DNASE1: variants seen among roughly 807,000 people sequenced by gnomAD.
DNASE1 encodes the protein deoxyribonuclease-1.
A neutral mutation model predicts 33.9 loss-of-function variants in DNASE1; 40 were observed. That is an observed-to-expected ratio of 1.18 (90% confidence interval 0.92 to 1.54). The LOEUF (loss-of-function observed/expected upper bound fraction) is 1.54. Among genes scored for constraint, DNASE1 ranks in the 40% most tolerant of loss-of-function variants. DNASE1 has a pLI of 0.00. For synonymous variants in DNASE1, 216 were observed against 160.0 expected (o/e 1.35, Z -2.64); for missense variants, 518 against 372.6 (o/e 1.39, Z -3.21).
chr16:3,657,019 G>T lies in DNASE1; in HGVS notation c.457G>T (p.Val153Phe). 6.2e-7 allele frequency: 1 copy of T among 1,613,786 alleles called. No homozygotes were observed. The highest frequency in any genetic ancestry group is 1.1e-5 in the South Asian group (1 of 91,086). Residue 153 changes from valine (V) to phenylalanine (F), a missense_variant, in exon 6 of 9, where the codon GTT (valine) becomes TTT (phenylalanine). Coordinates refer to ENST00000246949, the MANE Select transcript of DNASE1 (RefSeq NM_005223.4). Reference protein sequence around the residue: ...RFTEVREFAIVPLHAAPGDAV... With the variant: ...RFTEVREFAIFPLHAAPGDAV... ...CACAGAGGTCAGGGAGTTTGCCATT[G>T]TTCCCCTGCATGCGGCCCCGGGGGA...
exon 10 of DNASE1, chr16:3,664,198 C>G: frequency 6.3e-6 from 9 of 1,424,612 alleles, no homozygotes; most frequent in Non-Finnish European, 8.3e-6. Flanking sequence ...CAGGTTCACC[C>G]AGCACAGAGC....
At chr16:3,630,417 A>T (rs1282607030) in intron 1 of DNASE1, among the ~76,000 whole-genome samples, 1 of 151,290 alleles carries the variant, frequency 6.6e-6, no homozygotes, top group Non-Finnish European at 1.5e-5. Context: ...TCCAAAGCTC[A>T]GACATCTGCC....
chr16:3,658,671 C>CA (rs1177913805), downstream of DNASE1: 17 of 884,952 alleles, frequency 1.9e-5, no homozygotes, highest in East Asian at 5.0e-4. Flanking sequence ...CACTCCATCT[C>CA]AAAAAACAAA....
chr16:3,640,659 G>A, upstream of DNASE1: 1 of 398,260 alleles, frequency 2.5e-6, no homozygotes, highest in South Asian at 1.4e-4. Flanking sequence ...TTTCAGAATA[G>A]GTGGTGCTGG....
intron 1 of DNASE1, among the ~76,000 whole-genome samples, chr16:3,629,191 A>AC (rs2041622392): frequency 6.6e-6 from 1 of 151,786 alleles, no homozygotes; most frequent in African/African-American, 2.4e-5. Flanking sequence ...AAAAAAAAAA[A>AC]AAATTGTAAT....
downstream of DNASE1, chr16:3,661,916 C>T: frequency 3.3e-6 from 5 of 1,499,926 alleles, no homozygotes; most frequent in Non-Finnish European, 4.4e-6. Context: ...TCACATTCCA[C>T]AACAAAAGAA....
intron 1 of DNASE1, among the ~76,000 whole-genome samples, chr16:3,614,182 G>A (rs1236253912): frequency 6.6e-6 from 1 of 152,088 alleles, no homozygotes; most frequent in South Asian, 2.1e-4. Context: ...AGAGTGCTGG[G>A]ATTACAGGTG....
intron 1 of DNASE1, among the ~76,000 whole-genome samples, chr16:3,631,324 C>T (rs1241877198): frequency 1.3e-5 from 2 of 152,048 alleles, no homozygotes; most frequent in Non-Finnish European, 2.9e-5. Context: ...CCTGCCTCAG[C>T]CTCCCTAGTA....
At chr16:3,659,826 G>T (rs2042968401), downstream of DNASE1, 1 of 151,868 alleles carries the variant, frequency 6.6e-6, no homozygotes. Context: ...CATGATCTTG[G>T]CTCACCGCAG....
chr16:3,656,064 G>A (rs373715825), intron 3 of DNASE1, 38 bp from the exon 4 acceptor site: 9 of 1,612,798 alleles, frequency 5.6e-6, no homozygotes, highest in African/African-American at 4.0e-5. Flanking sequence ...GGTCCCCTAT[G>A]GCCCCCGCCA....
rs79203033 is a variant in DNASE1 at position 3,626,884 on chromosome 16, T to G, written c.-1358-13831T>G. 3.5e-3 allele frequency among the ~76,000 whole-genome samples: 540 copies of G among 152,252 alleles called. 3 individuals carry two copies. The highest frequency in any genetic ancestry group is 0.012 in the African/African-American group (512 of 41,546). On this transcript the variant is annotated intron_variant and NMD_transcript_variant, in intron 1 of 11. Coordinates refer to the DNASE1 transcript ENST00000570769. ...CTCTTTTATTTATTTTATTTTATGT[T>G]TTTTAGAGACAGGGTCTTGCTATGT...
At chr16:3,636,541 G>A (rs185700871) in intron 1 of DNASE1, among the ~76,000 whole-genome samples, 33 of 152,312 alleles carry the variant, frequency 2.2e-4, no homozygotes, top group Non-Finnish European at 1.5e-4. Context: ...AACTGAGGAG[G>A]CCGGGCATGG....
In DNASE1 at chr16:3,646,145, C is replaced by T. The variant is rs922545557; in HGVS notation, c.-86+3109C>T. On this transcript the variant is annotated intron_variant, in intron 1 of 9. Transcript: ENST00000407479. ...GCTTCCTGTCAGCTCAAGCCCAGTG[C>T]CCAGAGTGTCCAAGTGCCACCTGGA... is the stretch of plus-strand genomic sequence containing the variant. 2.6e-5 allele frequency among the ~76,000 whole-genome samples: 4 copies of T among 152,128 alleles called. No homozygotes were observed. The South Asian group carries it at 8.3e-4, about 32-fold the overall frequency.
At chr16:3,638,583 C>G (rs908994415), upstream of DNASE1, among the ~76,000 whole-genome samples, 1 of 152,244 alleles carries the variant, frequency 6.6e-6, no homozygotes, top group African/African-American at 2.4e-5. Flanking sequence ...CGTGATCCGC[C>G]TGCCTCGGCC....
In DNASE1 at chr16:3,655,492, A is replaced by G. The variant is rs771655787; in HGVS notation, c.119A>G (p.Asn40Ser). ...IQTFGETKMS[N>S]ATLVSYIVQI... ...ACATTTGGGGAGACCAAGATGTCCAATGCCACCCTCGTCAGCTACATTGTG... is the reference window on the plus strand; with the variant it reads ...ACATTTGGGGAGACCAAGATGTCCAGTGCCACCCTCGTCAGCTACATTGTG... Residue 40 changes from asparagine to serine, a missense_variant, in exon 2 of 9, where the codon AAT (asparagine) becomes AGT (serine). Coordinates refer to ENST00000246949, the MANE Select transcript of DNASE1 (RefSeq NM_005223.4). 1.9e-5 allele frequency: 31 copies of G among 1,614,000 alleles called. No homozygotes were observed. Among genetic ancestry groups the G allele is most frequent in the African/African-American group, 5.3e-5 (4 of 74,912 alleles).
At chr16:3,664,319 T>C (rs1228034276) in exon 10 of DNASE1, 1 of 1,612,020 alleles carries the variant, frequency 6.2e-7, no homozygotes, top group Non-Finnish European at 8.5e-7. Context: ...GTGAGTGCTC[T>C]GCCAGGTGAC....
At chr16:3,664,111 G>A in exon 10 of DNASE1, 1 of 717,216 alleles carries the variant, frequency 1.4e-6, no homozygotes, top group East Asian at 3.1e-5. Flanking sequence ...CTCCAAGTGG[G>A]AAACAGCCGT....
At chr16:3,662,792 C>T (rs1035419200), downstream of DNASE1, 3 of 1,258,250 alleles carry the variant, frequency 2.4e-6, no homozygotes, top group Non-Finnish European at 3.5e-6. Flanking sequence ...TGGAAGGACA[C>T]CCAACGGGCC....
In DNASE1 at chr16:3,656,563, C is replaced by G. The variant is rs545696979; in HGVS notation, c.321-75C>G. On this transcript the variant is annotated intron_variant, in intron 4 of 8. Coordinates refer to ENST00000246949, the MANE Select transcript of DNASE1 (RefSeq NM_005223.4). ...CGCCCTCCTGTCGCCTGGGACGCGACGCCTGCCTCCTGGGAAGCAGGAGTG... is the reference window on the plus strand; with the variant it reads ...CGCCCTCCTGTCGCCTGGGACGCGAGGCCTGCCTCCTGGGAAGCAGGAGTG... The G allele has an allele frequency of 1.2e-4, 158 of 1,341,506 alleles. 1 individual carries two copies. In the South Asian group the frequency reaches 1.6e-3, roughly 14 times the overall value. 83.1% of individuals were successfully genotyped at this position (1,341,506 alleles called of 1,614,324 possible). A position where few individuals can be genotyped will look rare whatever the true frequency, so the allele number is the denominator to read the frequency against.
Sources: gnomAD v4.1 joint callset for allele counts (sites outside exome capture counted in the v4.1 genomes callset) on GRCh38, gnomAD v4.1.1 for gene constraint, MANE v1.5 for transcripts, NCBI Gene and HGNC (gene_info 2026-07-23, HGNC 2026-07-21) for gene names.